DLG2: variants seen among roughly 807,000 people sequenced by gnomAD.
The protein encoded by DLG2 is disks large homolog 2.
In DLG2, 45 loss-of-function variants were observed where a neutral mutation model predicts 132.5. That is an observed-to-expected ratio of 0.34 (90% CI 0.27 to 0.44). DLG2 has a LOEUF of 0.44. DLG2 is among the 20% of genes least tolerant of loss of function. The pLI, the probability that DLG2 is intolerant of heterozygous loss-of-function variation, is 1.00. For synonymous variants in DLG2, 424 were observed against 419.6 expected (o/e 1.01, Z -0.13); for missense variants, 1,045 against 1,196.9 (o/e 0.87, Z 1.87).
At chr11:85,435,752 A>G (rs1160078587) in intron 3 of DLG2, among the ~76,000 whole-genome samples, 1 of 152,236 alleles carries the variant, frequency 6.6e-6, no homozygotes, top group Non-Finnish European at 1.5e-5. Context: ...TAATTTAAAT[A>G]TTCAATGCTA....
chr11:84,004,106 G>T (rs1023427568), intron 11 of DLG2, among the ~76,000 whole-genome samples: 2 of 151,976 alleles, frequency 1.3e-5, no homozygotes, highest in South Asian at 4.1e-4. Flanking sequence ...AGTATTCCCT[G>T]ATACCAAAAC....
chr11:85,374,428 C>T (rs963914049), intron 3 of DLG2, among the ~76,000 whole-genome samples: 1 of 152,124 alleles, frequency 6.6e-6, no homozygotes, highest in Non-Finnish European at 1.5e-5. Context: ...TGATTAATCA[C>T]CAATATGAGG....
chr11:84,408,681 G>A (rs775394222), intron 7 of DLG2, among the ~76,000 whole-genome samples: 5 of 152,182 alleles, frequency 3.3e-5, no homozygotes, highest in African/African-American at 9.7e-5. Flanking sequence ...ATGGAAGCAA[G>A]CACATCTGTG....
chr11:85,392,032 G>A (rs372799605), intron 3 of DLG2, among the ~76,000 whole-genome samples: 118 of 152,178 alleles, frequency 7.8e-4, no homozygotes, highest in Middle Eastern at 3.4e-3. Flanking sequence ...TACATACCTA[G>A]AAAACCCTAA....
chr11:83,625,072 T>C (rs969561151), intron 19 of DLG2, among the ~76,000 whole-genome samples: 3 of 152,218 alleles, frequency 2.0e-5, no homozygotes, highest in African/African-American at 7.2e-5. Context: ...ACTAATGATC[T>C]TGCTAAATAA....
chr11:84,276,127 A>G (rs1273671196), intron 7 of DLG2, among the ~76,000 whole-genome samples: 1 of 152,206 alleles, frequency 6.6e-6, no homozygotes, highest in Non-Finnish European at 1.5e-5. Flanking sequence ...ATGCTAACCA[A>G]TATTACCTTT....
intron 21 of DLG2, among the ~76,000 whole-genome samples, chr11:83,514,291 A>C (rs1430928353): frequency 6.6e-6 from 1 of 152,264 alleles, no homozygotes; most frequent in African/African-American, 2.4e-5. Context: ...CTTTGAAGCA[A>C]TTGTGAATGG....
chr11:83,842,140 G>A (rs1207640263), intron 16 of DLG2, among the ~76,000 whole-genome samples: 1 of 152,166 alleles, frequency 6.6e-6, no homozygotes, highest in African/African-American at 2.4e-5. Flanking sequence ...AGAAATGCCA[G>A]CCTGACCTGC....
chr11:83,900,302 G>T (rs1346410303), intron 15 of DLG2, among the ~76,000 whole-genome samples: 1 of 152,220 alleles, frequency 6.6e-6, no homozygotes, highest in African/African-American at 2.4e-5. Context: ...ATTCAAGCCA[G>T]CTGCAGAAAT....
intron 18 of DLG2, among the ~76,000 whole-genome samples, chr11:83,769,054 G>A (rs2094268349): frequency 6.6e-6 from 1 of 152,180 alleles, no homozygotes; most frequent in Non-Finnish European, 1.5e-5. Flanking sequence ...TAGACATACT[G>A]GGCACTCCAT....
chr11:84,928,982 G>GTGTGTGTGTATATATA (rs1400906684), intron 6 of DLG2, among the ~76,000 whole-genome samples: 38 of 49,106 alleles, frequency 7.7e-4, no homozygotes, highest in African/African-American at 9.9e-4. Flanking sequence ...GTGTGTGTGT[G>GTGTGTGTGTATATATA]TATATATATA....
In DLG2 at chr11:84,252,385, T is replaced by G. The variant is rs2154351704; in HGVS notation, c.520-1094A>C. On this transcript the variant is annotated intron_variant, in intron 7 of 27. Transcript: ENST00000376104. ...AGGCTGCTCTCAACTCCTGACCTCG[T>G]GATTCGCCCGCCTCAGCCTCCCAAT... Among the ~76,000 whole-genome samples, 3 of 151,926 alleles carry G rather than the reference T, an allele frequency of 2.0e-5. No homozygotes were observed. The South Asian group carries it at 6.2e-4, about 32-fold the overall frequency.
At chr11:84,566,425 G>A (rs192652605) in intron 6 of DLG2, among the ~76,000 whole-genome samples, 1 of 152,122 alleles carries the variant, frequency 6.6e-6, no homozygotes, top group African/African-American at 2.4e-5. Context: ...AAAAAAGTTT[G>A]CATTTCCTTA....
chr11:83,902,280 T>C (rs1015544338), intron 15 of DLG2, among the ~76,000 whole-genome samples: 3 of 152,214 alleles, frequency 2.0e-5, no homozygotes, highest in Admixed American at 6.5e-5. Flanking sequence ...CTGTACTTGA[T>C]TCTGTAGTAC....
chr11:84,280,121 T>C (rs2154369776), intron 7 of DLG2, among the ~76,000 whole-genome samples: 1 of 152,302 alleles, frequency 6.6e-6, no homozygotes, highest in Middle Eastern at 3.4e-3. Context: ...GTGGAAAATC[T>C]CATGAATTCT....
chr11:85,446,026 CT>C (rs1413699432), intron 3 of DLG2, among the ~76,000 whole-genome samples: 2 of 152,182 alleles, frequency 1.3e-5, no homozygotes, highest in African/African-American at 4.8e-5. Flanking sequence ...TTGTTTACAA[CT>C]TGTGGCTTTG....
intron 2 of DLG2, among the ~76,000 whole-genome samples, chr11:85,601,045 C>T (rs1040487197): frequency 1.3e-5 from 2 of 152,148 alleles, no homozygotes; most frequent in African/African-American, 2.4e-5. Context: ...CATTATGTAG[C>T]TTATCCACCG....
chr11:83,623,831 A>G (rs2062038131), intron 19 of DLG2, among the ~76,000 whole-genome samples: 1 of 152,216 alleles, frequency 6.6e-6, no homozygotes, highest in Admixed American at 6.5e-5. Context: ...CAGGGGGAAG[A>G]GGGAAGCTCC....
chr11:83,588,251 A>C (rs2097126853), intron 19 of DLG2, among the ~76,000 whole-genome samples: 1 of 150,788 alleles, frequency 6.6e-6, no homozygotes, highest in Non-Finnish European at 1.5e-5. Context: ...AGCTTTGAAG[A>C]GAGCAGTAGT....
Sources: gnomAD v4.1 joint callset for allele counts (sites outside exome capture counted in the v4.1 genomes callset) on GRCh38, gnomAD v4.1.1 for gene constraint, MANE v1.5 for transcripts, NCBI Gene and HGNC (gene_info 2026-07-23, HGNC 2026-07-21) for gene names.